Variants in TMEM132C observed in about 807,000 individuals in gnomAD.
TMEM132C encodes transmembrane protein 132C.
A neutral mutation model predicts 61.4 loss-of-function variants in TMEM132C; 29 were observed. That is an observed-to-expected ratio of 0.47 (90% CI 0.35 to 0.64). TMEM132C has a LOEUF of 0.64. Ranked by LOEUF, TMEM132C falls within the 30% of genes least tolerant of loss-of-function variation. The pLI is 0.00. For missense variants in TMEM132C, 1,408 were observed against 1,476.9 expected, an observed-to-expected ratio of 0.95 and a Z score of 0.76; for synonymous variants, 656 against 633.1, an observed-to-expected ratio of 1.04 and a Z score of -0.54.
intron 2 of TMEM132C, among the ~76,000 whole-genome samples, chr12:128,444,152 TCAAG>T (rs1299070622): frequency 1.3e-5 from 2 of 152,182 alleles, no homozygotes; most frequent in African/African-American, 4.8e-5. Context: ...ACTCCTGTGC[TCAAG>T]CGATCCTCCC....
rs116629753 is a variant in TMEM132C at position 128,475,538 on chromosome 12, G to A, written c.974+59918G>A. 6.3e-3 allele frequency among the ~76,000 whole-genome samples: 956 copies of A among 152,104 alleles called. 10 individuals carry two copies. The highest frequency in any genetic ancestry group is 0.044 in the South Asian group (209 of 4,802). ...ATTCACACTAATATGCTTTCAGATGGTGAATTACATGGTATGTGAATTATA... is the reference window on the plus strand; with the variant it reads ...ATTCACACTAATATGCTTTCAGATGATGAATTACATGGTATGTGAATTATA... On this transcript the variant is annotated intron_variant, in intron 2 of 8. Coordinates refer to ENST00000435159, the MANE Select transcript of TMEM132C (RefSeq NM_001136103.3).
chr12:128,597,523 AGGAAGGAT>A (rs1174887070), intron 3 of TMEM132C, among the ~76,000 whole-genome samples: 14 of 111,774 alleles, frequency 1.3e-4, no homozygotes, highest in African/African-American at 3.9e-4. Context: ...GAAGGAAGGA[AGGAAGGAT>A]GGATGGATTA....
rs1209360857 is a variant in TMEM132C at position 128,705,475 on chromosome 12, A to C, written c.2507A>C (p.Gln836Pro). Residue 836 changes from glutamine (Q) to proline (P), a missense_variant, in exon 9 of 9, where the codon CAA becomes CCA. Physicochemically the swap from Gln to Pro is moderately conservative, Grantham distance 76 (BLOSUM62 -1). Transcript: ENST00000435159. ...GGCCAGCACCATGAGCGCACAGGCC[A>C]AGATGGGCACCTCTATGGCAGCTCT... is the stretch of plus-strand genomic sequence containing the variant. ...QKGQHHERTG[Q>P]DGHLYGSSPV... The C allele has an allele frequency of 1.3e-6, 2 of 1,551,212 alleles. No individual in the cohort carries two copies. Among genetic ancestry groups the C allele is most frequent in the Admixed American group, 3.9e-5 (2 of 51,012 alleles).
intron 1 of TMEM132C, among the ~76,000 whole-genome samples, chr12:128,319,081 G>A (rs56152410): frequency 0.015 from 2,354 of 152,218 alleles, 73 homozygotes; most frequent in African/African-American, 0.053. Context: ...AGTGAGGGAG[G>A]GTAAATACAA....
intron 4 of TMEM132C, among the ~76,000 whole-genome samples, chr12:128,648,755 T>A (rs914350378): frequency 1.3e-5 from 2 of 151,166 alleles, no homozygotes; most frequent in Non-Finnish European, 2.9e-5. Context: ...CCATTGGCGT[T>A]GGATGTGAGT....
chr12:128,654,311 C>T (rs572132257), intron 4 of TMEM132C, among the ~76,000 whole-genome samples: 17 of 152,214 alleles, frequency 1.1e-4, no homozygotes, highest in African/African-American at 4.1e-4. Flanking sequence ...ACACAAGACC[C>T]AGAATTGCAG....
intron 4 of TMEM132C, among the ~76,000 whole-genome samples, chr12:128,654,427 C>G (rs565685454): frequency 6.6e-6 from 1 of 152,164 alleles, no homozygotes; most frequent in Non-Finnish European, 1.5e-5. Context: ...AAGTTCTGGC[C>G]TCCAGAACAG....
chr12:128,360,245 G>GACAC (rs145728632), intron 1 of TMEM132C, among the ~76,000 whole-genome samples: 6,639 of 145,988 alleles, frequency 0.045, 200 homozygotes, highest in African/African-American at 0.098. Context: ...GATAAAGGAC[G>GACAC]ACACACACAC....
At chr12:128,367,911 G>A (rs1365905773) in intron 1 of TMEM132C, among the ~76,000 whole-genome samples, 1 of 152,120 alleles carries the variant, frequency 6.6e-6, no homozygotes, top group Non-Finnish European at 1.5e-5. Context: ...GCCCATATTT[G>A]AGGCTTGCAT....
chr12:128,311,671 G>A (rs1000172067), intron 1 of TMEM132C, among the ~76,000 whole-genome samples: 4 of 152,176 alleles, frequency 2.6e-5, no homozygotes, highest in Admixed American at 6.5e-5. Context: ...CACCCCCGCC[G>A]GAACCTGGTG....
chr12:128,275,315 G>T (rs1870652088), intron 1 of TMEM132C, among the ~76,000 whole-genome samples: 1 of 152,152 alleles, frequency 6.6e-6, no homozygotes, highest in Non-Finnish European at 1.5e-5. Flanking sequence ...TCTGCCTCCT[G>T]TAAGATCAGC....
intron 1 of TMEM132C, among the ~76,000 whole-genome samples, chr12:128,307,584 A>C (rs1871826396): frequency 6.6e-6 from 1 of 152,250 alleles, no homozygotes; most frequent in South Asian, 2.1e-4. Context: ...CAAATGTATT[A>C]TGAATTCCTT....
chr12:128,269,922 T>C (rs972514190), intron 1 of TMEM132C, among the ~76,000 whole-genome samples: 19 of 152,196 alleles, frequency 1.2e-4, no homozygotes, highest in African/African-American at 4.3e-4. Context: ...CAATTGTCTG[T>C]TTATTTTTGA....
At chr12:128,558,386 A>T (rs938866237) in intron 3 of TMEM132C, among the ~76,000 whole-genome samples, 1 of 152,158 alleles carries the variant, frequency 6.6e-6, no homozygotes, top group Non-Finnish European at 1.5e-5. Flanking sequence ...TTCTCATGAT[A>T]GTGAATAAGT....
intron 2 of TMEM132C, among the ~76,000 whole-genome samples, chr12:128,459,592 G>T (rs1261417010): frequency 6.6e-6 from 1 of 152,134 alleles, no homozygotes; most frequent in East Asian, 1.9e-4. Context: ...TGAGGGGAAG[G>T]TAATGAATGC....
chr12:128,345,284 A>G (rs957857550), intron 1 of TMEM132C, among the ~76,000 whole-genome samples: 4 of 152,082 alleles, frequency 2.6e-5, no homozygotes, highest in African/African-American at 7.2e-5. Context: ...TATGTACCAC[A>G]TTTTCTTTAT....
intron 3 of TMEM132C, among the ~76,000 whole-genome samples, chr12:128,600,609 C>A (rs1246747895): frequency 6.6e-6 from 1 of 152,176 alleles, no homozygotes; most frequent in Non-Finnish European, 1.5e-5. Flanking sequence ...CATGGAGGGA[C>A]AAGAGCAGAG....
rs544894000 is a variant in TMEM132C at position 128,599,623 on chromosome 12, G to A, written c.1122-16529G>A. ...AAAATGAAAAGTGATACCCATGCTC[G>A]CCATAGATAAGCTGAATCTGCAAAG... On this transcript the variant is annotated intron_variant, in intron 3 of 8. Transcript: ENST00000435159. Among the ~76,000 whole-genome samples the A allele has an allele frequency of 2.1e-4, 32 of 152,304 alleles. 1 individual carries two copies. The South Asian group carries it at 6.0e-3, about 29-fold the overall frequency.
Position 128,317,539 on chromosome 12 carries a change from TA to T in TMEM132C, c.85+50054del, listed in dbSNP as rs560712512. Among the ~76,000 whole-genome samples, 186 of 152,356 alleles carry T rather than the reference TA, an allele frequency of 1.2e-3. 4 individuals are homozygous for T. Among genetic ancestry groups the T allele is most frequent in the East Asian group, 4.6e-3 (24 of 5,192 alleles). On this transcript the variant is annotated intron_variant, in intron 1 of 8. Coordinates refer to ENST00000435159, the MANE Select transcript of TMEM132C (RefSeq NM_001136103.3). ...CATTTCTTTTCTGTTTCCTTTTACA[TA>T]ATTCCCTTAGGAACTTTTTTTCTTA...
Sources: allele counts gnomAD v4.1 joint callset (sites outside exome capture counted in the v4.1 genomes callset), GRCh38; gene constraint gnomAD v4.1.1; transcripts MANE v1.5; gene names NCBI Gene and HGNC (gene_info 2026-07-23, HGNC 2026-07-21).